Variants in DRAP1 observed in about 807,000 individuals in gnomAD.
DRAP1 encodes the protein DR1 associated protein 1.
A neutral mutation model predicts 24.1 loss-of-function variants in DRAP1; 10 were observed. That is an observed-to-expected ratio of 0.41 (90% CI 0.26 to 0.70). The LOEUF is 0.70. Ranked by LOEUF, DRAP1 falls within the 30% of genes least tolerant of loss-of-function variation. The probability of loss-of-function intolerance (pLI) is 0.29; values close to 1 mark genes in which losing one functional copy is unlikely to be tolerated. For synonymous variants in DRAP1, 122 were observed against 113.8 expected (o/e 1.07, Z -0.46); for missense variants, 264 against 275.6 (o/e 0.96, Z 0.30).
chr11:65,919,860 G>T lies in DRAP1; in HGVS notation c.115+8G>T, dbSNP rs778558951. ...CGGTGCCTGTCATCATCTGTATCCT[G>T]CCGGGGGCGGACCGGGTCGAGGGGC... On this transcript the variant is annotated splice_region_variant and intron_variant, in intron 2 of 6. Coordinates refer to ENST00000312515, the MANE Select transcript of DRAP1 (RefSeq NM_006442.4). The T allele has an allele frequency of 1.2e-6, 2 of 1,613,012 alleles. No individual in the cohort carries two copies. The highest frequency in any genetic ancestry group is 1.7e-5 in the Admixed American group (1 of 60,014).
chr11:65,919,847 T>C lies in DRAP1; in HGVS notation c.110T>C (p.Ile37Thr). ...IGKVAAAVPVIISRALELFLE... is the reference protein window; with the variant it reads ...IGKVAAAVPVTISRALELFLE... ...AAGGTGGCGGCGGCGGTGCCTGTCA[T>C]CATCTGTATCCTGCCGGGGGCGGAC... Residue 37 changes from isoleucine (I) to threonine (T), a missense_variant, in exon 2 of 7, where the codon ATC (isoleucine) becomes ACC (threonine). By Grantham distance (89) the Ile-to-Thr change is moderately conservative. Coordinates refer to ENST00000312515, the MANE Select transcript of DRAP1 (RefSeq NM_006442.4). 2 of 1,613,010 alleles carry C rather than the reference T, an allele frequency of 1.2e-6. No homozygotes were observed. Among genetic ancestry groups the C allele is most frequent in the Non-Finnish European group, 1.7e-6 (2 of 1,179,916 alleles).
At position 65,920,421 on chromosome 11, in the gene DRAP1, C is replaced by T. The variant is rs1489792033; in HGVS notation, c.288C>T (p.Asp96=). The change falls in exon 4 of 7, where the codon GAC becomes GAT. Residue 96 remains aspartate (D), a synonymous_variant. Coordinates refer to ENST00000312515, the MANE Select transcript of DRAP1 (RefSeq NM_006442.4). ...CATCTGTTCCCGACATGCAGGGGGACGGGGAAGACAACCACATGGATGGGG... is the reference window on the plus strand; with the variant it reads ...CATCTGTTCCCGACATGCAGGGGGATGGGGAAGACAACCACATGGATGGGG... ...LVASVPDMQG[D]GEDNHMDGDK... is the part of the protein sequence containing the mutation. The T allele has an allele frequency of 4.3e-6, 7 of 1,613,966 alleles. No homozygotes were observed. The highest frequency in any genetic ancestry group is 1.3e-5 in the African/African-American group (1 of 74,936).
At chr11:65,919,710 C>T (rs1241927116) in intron 1 of DRAP1, 70 bp from the exon 2 acceptor site, 1 of 1,592,286 alleles carries the variant, frequency 6.3e-7, no homozygotes. Context: ...CCGGGGATGC[C>T]CCTTCCTCCC....
At position 65,920,870 on chromosome 11, in the gene DRAP1, T is replaced by C; in HGVS notation, c.424-14T>C. On this transcript the variant is annotated splice_polypyrimidine_tract_variant and intron_variant, in intron 5 of 6. Coordinates refer to ENST00000312515, the MANE Select transcript of DRAP1 (RefSeq NM_006442.4). ...GTCTTTTCTTGTCAACTCTGACCTC[T>C]GCGGTGCTCACAGGATGAATCTGAG... 3 of 1,608,938 alleles carry C rather than the reference T, an allele frequency of 1.9e-6. No homozygotes were observed. The highest frequency in any genetic ancestry group is 2.5e-6 in the Non-Finnish European group (3 of 1,177,214).
At position 65,920,549 on chromosome 11, in the gene DRAP1, T is replaced by G. The variant is rs577182268; in HGVS notation, c.330-20T>G. 4.4e-6 allele frequency: 7 copies of G among 1,602,896 alleles called. No individual in the cohort carries two copies. The African/African-American group carries it at 8.0e-5, about 18-fold the overall frequency. On this transcript the variant is annotated intron_variant, in intron 4 of 6. Transcript: ENST00000312515. ...AGGAGTAGGGAGCACTCCGGGCAGA[T>G]GGACTGTACCTTCCCAAAGGGGCCG...
In DRAP1 at chr11:65,919,483, C is replaced by A; in HGVS notation, c.-19C>A. The A allele has an allele frequency of 1.3e-6, 2 of 1,534,490 alleles. No homozygotes were observed. Among genetic ancestry groups the A allele is most frequent in the Middle Eastern group, 1.7e-4 (1 of 5,798 alleles). On this transcript the variant is annotated 5_prime_UTR_variant, in exon 1 of 7. Coordinates refer to ENST00000312515, the MANE Select transcript of DRAP1 (RefSeq NM_006442.4). ...GCGGGCGGCGGCGCTGGACCCGACGCGGCGAGAGAGGCCCCGAGATGCCGA... is the reference window on the plus strand; with the variant it reads ...GCGGGCGGCGGCGCTGGACCCGACGAGGCGAGAGAGGCCCCGAGATGCCGA...
Position 65,919,980 on chromosome 11 carries a change from T to C in DRAP1, c.148T>C (p.Leu50=). ...RALELFLESL[L]KKACQVTQSR... is the part of the protein sequence containing the mutation. ...GCTCGAGCTCTTCCTAGAGTCGCTGTTGAAGAAGGCCTGCCAGGTGACCCA... is the reference window on the plus strand; with the variant it reads ...GCTCGAGCTCTTCCTAGAGTCGCTGCTGAAGAAGGCCTGCCAGGTGACCCA... The change falls in exon 3 of 7, where the codon TTG becomes CTG. Residue 50 remains leucine (L), a synonymous_variant. Transcript: ENST00000312515. The C allele has an allele frequency of 6.2e-7, 1 of 1,613,756 alleles. No individual in the cohort carries two copies. Among genetic ancestry groups the C allele is most frequent in the Non-Finnish European group, 8.5e-7 (1 of 1,179,904 alleles).
intron 6 of DRAP1, 49 bp downstream of exon 6, chr11:65,921,021 A>C (rs2134834983): frequency 7.1e-7 from 1 of 1,418,384 alleles, no homozygotes; most frequent in East Asian, 2.4e-5. Flanking sequence ...CCCCAGAGCC[A>C]ACTTACCCCT....
In DRAP1 at chr11:65,920,887, G is replaced by A. The variant is rs1437763431; in HGVS notation, c.427G>A (p.Glu143Lys). 3.1e-6 allele frequency: 5 copies of A among 1,612,348 alleles called. No individual in the cohort carries two copies. The highest frequency in any genetic ancestry group is 4.2e-6 in the Non-Finnish European group (5 of 1,179,136). ...CTGACCTCTGCGGTGCTCACAGGAT[G>A]AATCTGAGGACACAGATACTGATGG... ...LSGTDSEQED[E>K]SEDTDTDGEE... Residue 143 changes from glutamate (E) to lysine (K), a missense_variant, in exon 6 of 7, where the codon GAA (glutamate) becomes AAA (lysine). Glu to Lys is a moderately conservative substitution (Grantham distance 56). Coordinates refer to ENST00000312515, the MANE Select transcript of DRAP1 (RefSeq NM_006442.4).
Sources: gnomAD v4.1 joint callset for allele counts on GRCh38, gnomAD v4.1.1 for gene constraint, MANE v1.5 for transcripts, NCBI Gene and HGNC (gene_info 2026-07-23, HGNC 2026-07-21) for gene names.